MAGI1: variants seen among roughly 807,000 people sequenced by gnomAD.
MAGI1 encodes the protein membrane associated guanylate kinase, WW and PDZ domain containing 1, also known as membrane-associated guanylate kinase, WW and PDZ domain-containing protein 1.
In MAGI1, 58 loss-of-function variants were observed where a neutral mutation model predicts 139.9. The observed-to-expected ratio is 0.41, with a 90% confidence interval of 0.34 to 0.52. MAGI1 has a LOEUF of 0.52. Ranked by LOEUF, MAGI1 falls within the 20% of genes least tolerant of loss-of-function variation. The pLI, the probability that MAGI1 is intolerant of heterozygous loss-of-function variation, is 0.12. For synonymous variants in MAGI1, 812 were observed against 737.9 expected (o/e 1.10, Z -1.63); for missense variants, 1,874 against 1,901.6 (o/e 0.99, Z 0.27).
chr3:65,730,282 C>T (rs1270253739), intron 1 of MAGI1, among the ~76,000 whole-genome samples: 1 of 152,122 alleles, frequency 6.6e-6, no homozygotes, highest in Non-Finnish European at 1.5e-5. Flanking sequence ...TGCTTCAGCT[C>T]TTCAACAATG....
At chr3:65,905,682 T>G (rs559683028) in intron 1 of MAGI1, among the ~76,000 whole-genome samples, 24 of 152,122 alleles carry the variant, frequency 1.6e-4, no homozygotes, top group Non-Finnish European at 2.4e-4. Context: ...TATACCATTG[T>G]GCACAGGTTA....
intron 1 of MAGI1, chr3:65,874,632 G>T (rs1358638419): frequency 6.6e-6 from 1 of 152,212 alleles, no homozygotes; most frequent in African/African-American, 2.4e-5. Context: ...ACGACGTGAA[G>T]AAACTGGATC....
chr3:65,490,907 G>A (rs1350459200), intron 3 of MAGI1, among the ~76,000 whole-genome samples: 3 of 148,990 alleles, frequency 2.0e-5, no homozygotes, highest in Non-Finnish European at 4.5e-5. Context: ...AGGAAATTTC[G>A]CTGCTAATAG....
chr3:66,022,641 C>T (rs1468412275), intron 1 of MAGI1, among the ~76,000 whole-genome samples: 1 of 152,166 alleles, frequency 6.6e-6, no homozygotes, highest in East Asian at 1.9e-4. Context: ...ACTCAAGATT[C>T]AAAGTCCCAA....
intron 2 of MAGI1, among the ~76,000 whole-genome samples, chr3:65,589,290 T>C (rs2081848591): frequency 6.6e-6 from 1 of 152,180 alleles, no homozygotes; most frequent in Admixed American, 6.5e-5. Context: ...CACGCTGTTT[T>C]GGACAATCAC....
chr3:65,716,656 C>G (rs544054349), intron 1 of MAGI1, among the ~76,000 whole-genome samples: 1 of 152,292 alleles, frequency 6.6e-6, no homozygotes, highest in East Asian at 1.9e-4. Flanking sequence ...AAAGCTCTGC[C>G]TAACAATTCT....
At chr3:65,882,046 G>A (rs762028772) in intron 1 of MAGI1, among the ~76,000 whole-genome samples, 3 of 152,162 alleles carry the variant, frequency 2.0e-5, no homozygotes, top group Non-Finnish European at 4.4e-5. Flanking sequence ...TTGCCAACAG[G>A]GAGAAATGCA....
chr3:65,915,795 T>C (rs2061873212), intron 1 of MAGI1, among the ~76,000 whole-genome samples: 1 of 152,002 alleles, frequency 6.6e-6, no homozygotes, highest in Non-Finnish European at 1.5e-5. Context: ...CTGGCTTTCC[T>C]CTCTATGGAC....
chr3:65,901,794 T>C (rs1412669953), intron 1 of MAGI1, among the ~76,000 whole-genome samples: 1 of 152,238 alleles, frequency 6.6e-6, no homozygotes, highest in African/African-American at 2.4e-5. Context: ...CAATTTTGCA[T>C]GTATACATCC....
At chr3:65,931,459 AG>A (rs1213824838) in intron 1 of MAGI1, among the ~76,000 whole-genome samples, 1 of 152,208 alleles carries the variant, frequency 6.6e-6, no homozygotes, top group Non-Finnish European at 1.5e-5. Flanking sequence ...TGAACACAGG[AG>A]TTCCAGACCA....
intron 13 of MAGI1, among the ~76,000 whole-genome samples, chr3:65,393,721 C>T (rs545530945): frequency 9.2e-5 from 14 of 152,208 alleles, no homozygotes; most frequent in African/African-American, 2.6e-4. Flanking sequence ...ATTCCAGGGT[C>T]GGCCTATAAG....
chr3:65,978,621 C>CTTTTTTTTTTTT (rs373662388), intron 1 of MAGI1, among the ~76,000 whole-genome samples: 1 of 129,174 alleles, frequency 7.7e-6, no homozygotes, highest in Non-Finnish European at 1.6e-5. Context: ...CTCAAAATTT[C>CTTTTTTTTTTTT]TTTTTTTTTT....
intron 1 of MAGI1, among the ~76,000 whole-genome samples, chr3:65,979,332 T>C (rs2065446399): frequency 6.6e-6 from 1 of 152,114 alleles, no homozygotes; most frequent in African/African-American, 2.4e-5. Context: ...CAAAACGTCA[T>C]CCAACAAAAA....
At chr3:66,006,838 T>TTTGTTTTG (rs1283148451) in intron 1 of MAGI1, among the ~76,000 whole-genome samples, 17 of 148,434 alleles carry the variant, frequency 1.1e-4, no homozygotes, top group Admixed American at 4.6e-4. Flanking sequence ...TTTGTTTTGT[T>TTTGTTTTG]TTGTTTATTA....
chr3:65,766,030 G>A (rs920028202), intron 1 of MAGI1, among the ~76,000 whole-genome samples: 3 of 152,158 alleles, frequency 2.0e-5, no homozygotes, highest in Admixed American at 2.0e-4. Flanking sequence ...AGATGAGTAG[G>A]CAGGACTAAA....
intron 21 of MAGI1, among the ~76,000 whole-genome samples, chr3:65,362,473 A>C (rs1329434192): frequency 2.0e-5 from 3 of 152,206 alleles, no homozygotes; most frequent in Non-Finnish European, 4.4e-5. Context: ...TACATGCAAA[A>C]GAAAAGAATA....
At chr3:65,500,024 G>A (rs2077023066) in intron 2 of MAGI1, among the ~76,000 whole-genome samples, 1 of 144,090 alleles carries the variant, frequency 6.9e-6, no homozygotes, top group Non-Finnish European at 1.5e-5. Flanking sequence ...AAGTAACTTA[G>A]TCCTCACAAA....
At chr3:65,460,570 A>C (rs1278500834) in intron 5 of MAGI1, among the ~76,000 whole-genome samples, 5 of 151,978 alleles carry the variant, frequency 3.3e-5, no homozygotes, top group Non-Finnish European at 7.4e-5. Flanking sequence ...AATTATACTT[A>C]AGTTCAGGGA....
In MAGI1 at chr3:65,728,357, G is replaced by T. The variant is rs139803460; in HGVS notation, c.314-106269C>A. 2.4e-3 allele frequency among the ~76,000 whole-genome samples: 366 copies of T among 152,328 alleles called. 1 individual carries two copies. The highest frequency in any genetic ancestry group is 7.4e-3 in the African/African-American group (307 of 41,570). ...GGAGATGCAAAGAGAGACAGACCACGTGGGATCATAGAGCCCATGGTATGG... is the reference window on the plus strand; with the variant it reads ...GGAGATGCAAAGAGAGACAGACCACTTGGGATCATAGAGCCCATGGTATGG... On this transcript the variant is annotated intron_variant, in intron 1 of 22. Coordinates refer to ENST00000402939, the MANE Select transcript of MAGI1 (RefSeq NM_001033057.2).
Sources: gnomAD v4.1 joint callset for allele counts (sites outside exome capture counted in the v4.1 genomes callset) on GRCh38, gnomAD v4.1.1 for gene constraint, MANE v1.5 for transcripts, NCBI Gene and HGNC (gene_info 2026-07-23, HGNC 2026-07-21) for gene names.